The following ENPP2 variants were observed in gnomAD, a reference collection of about 807,000 sequenced individuals.
The protein encoded by ENPP2 is ectonucleotide pyrophosphatase/phosphodiesterase 2.
ENPP2 carries 51 observed loss-of-function variants against 120.2 expected under a neutral mutation model. The ratio of observed to expected loss-of-function variants is 0.42; its 90% CI spans 0.34 to 0.54. ENPP2 has a LOEUF of 0.54. ENPP2 is among the 20% of genes least tolerant of loss of function. The probability of loss-of-function intolerance (pLI) is 0.04; values close to 1 mark genes in which losing one functional copy is unlikely to be tolerated. For synonymous variants in ENPP2, 365 were observed against 366.4 expected, an observed-to-expected ratio of 1.00 and a Z score of 0.04; for missense variants, 920 against 1,066.5, an observed-to-expected ratio of 0.86 and a Z score of 1.91.
intron 11 of ENPP2, among the ~76,000 whole-genome samples, chr8:119,597,772 C>T (rs916131974): frequency 3.9e-5 from 6 of 152,168 alleles, no homozygotes; most frequent in Non-Finnish European, 7.3e-5. Context: ...ACTCTGAAAC[C>T]AGGAGCAATA....
intron 7 of ENPP2, 74 bp from the exon 8 acceptor site, chr8:119,616,458 T>C (rs1815467992): frequency 8.4e-7 from 1 of 1,184,396 alleles, no homozygotes; most frequent in Non-Finnish European, 1.2e-6. Context: ...GTATGAATTT[T>C]CTTAGCATAG....
At chr8:119,643,933 A>G (rs1369012480) in intron 1 of ENPP2, among the ~76,000 whole-genome samples, 1 of 152,140 alleles carries the variant, frequency 6.6e-6, no homozygotes, top group Non-Finnish European at 1.5e-5. Flanking sequence ...GAGGAGAGAG[A>G]ACAGGCAAAG....
upstream of ENPP2, chr8:119,638,846 A>C: frequency 6.2e-7 from 1 of 1,611,348 alleles, no homozygotes; most frequent in Non-Finnish European, 8.5e-7. Context: ...CACTGCTTTG[A>C]GGCTCTGGGT....
chr8:119,564,124 G>A (rs1814200291), intron 23 of ENPP2, among the ~76,000 whole-genome samples: 1 of 151,888 alleles, frequency 6.6e-6, no homozygotes, highest in Non-Finnish European at 1.5e-5. Context: ...AAGAGACAGA[G>A]ACAACCAGAT....
intron 2 of ENPP2, among the ~76,000 whole-genome samples, chr8:119,636,016 G>C (rs2130829579): frequency 6.6e-6 from 1 of 152,296 alleles, no homozygotes. Context: ...TCCGAAGCTA[G>C]CCATATATCA....
intron 1 of ENPP2, among the ~76,000 whole-genome samples, chr8:119,644,474 A>C (rs984720326): frequency 6.6e-6 from 1 of 151,320 alleles, no homozygotes; most frequent in African/African-American, 2.4e-5. Context: ...TTAGATCATA[A>C]GAAAGACATG....
chr8:119,647,411 A>G (rs1817502781), intron 1 of ENPP2, among the ~76,000 whole-genome samples: 1 of 152,192 alleles, frequency 6.6e-6, no homozygotes, highest in South Asian at 2.1e-4. Flanking sequence ...TAGGAACACA[A>G]TAAATATTTC....
Position 119,584,038 on chromosome 8 carries a change from T to C in ENPP2, c.1379A>G (p.Asp460Gly). Reference sequence around the variant, plus strand: ...TTTTCCTGATGGTTTCTTATAAACATCCAAAGGTTTCCTAAATTGAAACAA... The same window carrying C: ...TTTTCCTGATGGTTTCTTATAAACACCCAAAGGTTTCCTAAATTGAAACAA... Reference protein sequence around the residue: ...RRWHVARKPLDVYKKPSGKCF... With the variant: ...RRWHVARKPLGVYKKPSGKCF... Residue 460 changes from aspartate to glycine, a missense_variant, in exon 16 of 25, where the codon GAT becomes GGT. Physicochemically the swap from Asp to Gly is moderately conservative, Grantham distance 94 (BLOSUM62 -1). Coordinates refer to ENST00000075322, the MANE Select transcript of ENPP2 (RefSeq NM_001040092.3). 1 of 1,606,620 alleles carries C rather than the reference T, an allele frequency of 6.2e-7. No individual in the cohort carries two copies. Among genetic ancestry groups the C allele is most frequent in the Non-Finnish European group, 8.5e-7 (1 of 1,173,904 alleles).
At chr8:119,672,289 G>C (rs1818273627) in intron 1 of ENPP2, among the ~76,000 whole-genome samples, 1 of 152,202 alleles carries the variant, frequency 6.6e-6, no homozygotes, top group South Asian at 2.1e-4. Flanking sequence ...GAAAACCTGT[G>C]CTCCGTGGAA....
chr8:119,577,388 T>C (rs1182620936), intron 19 of ENPP2, among the ~76,000 whole-genome samples: 4 of 152,140 alleles, frequency 2.6e-5, no homozygotes, highest in Admixed American at 2.6e-4. Context: ...CTGAATATTT[T>C]AAATGGGAGG....
chr8:119,630,210 AG>A (rs1375412478), intron 2 of ENPP2, among the ~76,000 whole-genome samples: 1 of 151,690 alleles, frequency 6.6e-6, no homozygotes, highest in Non-Finnish European at 1.5e-5. Context: ...CCGGGTTCAA[AG>A]GGTTCTCCTG....
chr8:119,635,705 G>A (rs1816957802), intron 2 of ENPP2, among the ~76,000 whole-genome samples: 1 of 152,150 alleles, frequency 6.6e-6, no homozygotes, highest in Non-Finnish European at 1.5e-5. Flanking sequence ...AGAATTATAA[G>A]TAGCTTTTCT....
chr8:119,660,808 G>A lies in ENPP2; in HGVS notation c.21+12444C>T, dbSNP rs117122960. Among the ~76,000 whole-genome samples the A allele has an allele frequency of 0.011, 1,612 of 152,248 alleles. 21 individuals are homozygous for A. The Middle Eastern group carries it at 0.11, about 10-fold the overall frequency. ...ATGACTCAACTTGCTGTTGTAGTGC[G>A]AAAGTGGTCATGAACTGTATGGAAA... is the stretch of plus-strand genomic sequence containing the variant. On this transcript the variant is annotated intron_variant, in intron 1 of 25. Transcript: ENST00000427067.
chr8:119,613,780 TAC>T (rs1815271376), intron 8 of ENPP2, among the ~76,000 whole-genome samples: 1 of 152,156 alleles, frequency 6.6e-6, no homozygotes. Context: ...ATTTATGGGA[TAC>T]AGTGTGATGT....
At chr8:119,623,473 A>T (rs1464042763) in intron 3 of ENPP2, among the ~76,000 whole-genome samples, 3 of 152,132 alleles carry the variant, frequency 2.0e-5, no homozygotes, top group Non-Finnish European at 4.4e-5. Flanking sequence ...TAAAAAGATT[A>T]AAAAAGAGAG....
intron 11 of ENPP2, 133 bp downstream of exon 11, chr8:119,600,545 T>C (rs1814224755): frequency 3.4e-6 from 2 of 590,750 alleles, no homozygotes; most frequent in Non-Finnish European, 6.0e-6. Context: ...TTTAGTCTTG[T>C]AGTTATTTGA....
intron 2 of ENPP2, among the ~76,000 whole-genome samples, chr8:119,631,130 G>C (rs1458018996): frequency 2.0e-5 from 3 of 149,456 alleles, no homozygotes; most frequent in African/African-American, 7.4e-5. Flanking sequence ...TCCTGACCTC[G>C]TGATCCGCCT....
intron 1 of ENPP2, among the ~76,000 whole-genome samples, chr8:119,659,320 T>TAAAAAAAAAAAAAAACA (rs1817854062): frequency 3.1e-5 from 2 of 64,890 alleles, no homozygotes. Flanking sequence ...CTGTCTCAAT[T>TAAAAAAAAAAAAAAACA]AAAAAAAAAA....
At chr8:119,616,176 AT>A in intron 8 of ENPP2, 88 bp downstream of exon 8, 4 of 1,290,882 alleles carry the variant, frequency 3.1e-6, no homozygotes, top group Non-Finnish European at 3.2e-6. Context: ...AATTATACGC[AT>A]TTTTTCCACA....
Sources: gnomAD v4.1 joint callset for allele counts (sites outside exome capture counted in the v4.1 genomes callset) on GRCh38, gnomAD v4.1.1 for gene constraint, MANE v1.5 for transcripts, NCBI Gene and HGNC (gene_info 2026-07-23, HGNC 2026-07-21) for gene names.